The following TCF7L2 variants were observed in gnomAD, a reference collection of about 807,000 sequenced individuals.
The protein encoded by TCF7L2 is transcription factor 7 like 2.
A neutral mutation model predicts 77.9 loss-of-function variants in TCF7L2; 23 were observed. That is an observed-to-expected ratio of 0.30 (90% CI 0.21 to 0.42). TCF7L2 has a LOEUF of 0.42. Ranked by LOEUF, TCF7L2 falls within the 10% of genes least tolerant of loss-of-function variation. TCF7L2 has a pLI of 1.00. For synonymous variants in TCF7L2, 413 were observed against 340.2 expected (o/e 1.21, Z -2.36); for missense variants, 654 against 793.1 (o/e 0.82, Z 2.11).
At chr10:113,077,702 CTT>C (rs34093384) in intron 5 of TCF7L2, among the ~76,000 whole-genome samples, 15 of 134,066 alleles carry the variant, frequency 1.1e-4, no homozygotes, top group East Asian at 2.1e-4. Context: ...TTCTTTTCTT[CTT>C]TTTTTTTTTT....
At chr10:112,985,083 G>A (rs2041239121) in intron 4 of TCF7L2, among the ~76,000 whole-genome samples, 1 of 152,116 alleles carries the variant, frequency 6.6e-6, no homozygotes, top group African/African-American at 2.4e-5. Context: ...CAGCGCCACA[G>A]TGCTGACACA....
At chr10:113,133,879 C>T (rs144056123) in intron 5 of TCF7L2, among the ~76,000 whole-genome samples, 80 of 152,268 alleles carry the variant, frequency 5.3e-4, no homozygotes, top group African/African-American at 1.6e-3. Context: ...GGATTGGAGA[C>T]GCTCTAACTC....
intron 5 of TCF7L2, among the ~76,000 whole-genome samples, chr10:113,061,548 G>T (rs1315481011): frequency 6.6e-6 from 1 of 152,198 alleles, no homozygotes; most frequent in Non-Finnish European, 1.5e-5. Context: ...ATTGTCGCAG[G>T]TATTAGTGAG....
chr10:113,051,380 G>T (rs756662612), intron 5 of TCF7L2, among the ~76,000 whole-genome samples: 17 of 152,168 alleles, frequency 1.1e-4, no homozygotes, highest in Non-Finnish European at 2.1e-4. Flanking sequence ...ATTTGGTAAG[G>T]AATGAAGTTG....
At chr10:113,035,554 C>G (rs958318382) in intron 4 of TCF7L2, among the ~76,000 whole-genome samples, 1 of 152,234 alleles carries the variant, frequency 6.6e-6, no homozygotes, top group Non-Finnish European at 1.5e-5. Context: ...TGGGCTCTAG[C>G]AATCCTCCTG....
intron 4 of TCF7L2, among the ~76,000 whole-genome samples, chr10:112,983,636 TG>T (rs1300915758): frequency 6.6e-6 from 1 of 152,174 alleles, no homozygotes; most frequent in Non-Finnish European, 1.5e-5. Flanking sequence ...TGTCTGAGTT[TG>T]TAATAAGCGT....
In TCF7L2 at chr10:113,006,427, T is replaced by C. The variant is rs898705609; in HGVS notation, c.451-33598T>C. Among the ~76,000 whole-genome samples, 5 of 152,100 alleles carry C rather than the reference T, an allele frequency of 3.3e-5. No individual in the cohort carries two copies. The East Asian group carries it at 9.6e-4, about 29-fold the overall frequency. On this transcript the variant is annotated intron_variant, in intron 4 of 13. Transcript: ENST00000627217. Reference sequence around the variant, plus strand: ...TGGAGGATCAGGCAGCAGGGGCCAGTGATGGATTTTTTTTTCTTCCTTTCC... The same window carrying C: ...TGGAGGATCAGGCAGCAGGGGCCAGCGATGGATTTTTTTTTCTTCCTTTCC...
intron 5 of TCF7L2, among the ~76,000 whole-genome samples, chr10:113,073,068 C>T (rs1249234350): frequency 2.8e-5 from 4 of 144,414 alleles, no homozygotes; most frequent in Admixed American, 1.4e-4. Flanking sequence ...GTGCTGGTGG[C>T]CAGCCATGTG....
intron 5 of TCF7L2, chr10:113,127,063 C>G (rs182137848): frequency 6.2e-6 from 2 of 324,796 alleles, no homozygotes; most frequent in African/African-American, 4.5e-5. Flanking sequence ...GGTAAGCTGC[C>G]GGGGTGGATG....
At chr10:113,027,102 G>A (rs1181023638) in intron 4 of TCF7L2, among the ~76,000 whole-genome samples, 1 of 152,226 alleles carries the variant, frequency 6.6e-6, no homozygotes, top group Non-Finnish European at 1.5e-5. Flanking sequence ...CCTTGCTTTG[G>A]AATGAGTTAG....
At chr10:113,142,812 A>G (rs1460482117) in intron 6 of TCF7L2, among the ~76,000 whole-genome samples, 1 of 152,216 alleles carries the variant, frequency 6.6e-6, no homozygotes, top group Admixed American at 6.5e-5. Flanking sequence ...AAAACATATG[A>G]TTAACGTCTG....
At chr10:113,122,100 G>T (rs1591991255) in intron 5 of TCF7L2, among the ~76,000 whole-genome samples, 1 of 152,146 alleles carries the variant, frequency 6.6e-6, no homozygotes, top group Non-Finnish European at 1.5e-5. Context: ...AAACCTCTTG[G>T]CAAAGGATAT....
intron 4 of TCF7L2, among the ~76,000 whole-genome samples, chr10:113,005,267 A>C (rs1348677842): frequency 2.0e-5 from 3 of 152,190 alleles, no homozygotes; most frequent in African/African-American, 7.2e-5. Context: ...CGATCCCGTC[A>C]GCACTGTGCA....
Position 113,141,408 on chromosome 10 carries a change from C to T in TCF7L2, c.685+92C>T, listed in dbSNP as rs139772039. Reference sequence around the variant, plus strand: ...CTCCACAGGAACCCCAGGGGTGGAGCAGTAGGGGACTTTGGGGGAACGGTG... The same window carrying T: ...CTCCACAGGAACCCCAGGGGTGGAGTAGTAGGGGACTTTGGGGGAACGGTG... On this transcript the variant is annotated intron_variant, in intron 6 of 13. Coordinates refer to ENST00000627217, the MANE Select transcript of TCF7L2 (RefSeq NM_001146274.2). 4,325 of 1,546,744 alleles carry T rather than the reference C, an allele frequency of 2.8e-3. 10 individuals carry two copies. The highest frequency in any genetic ancestry group is 4.8e-3 in the Admixed American group (242 of 50,298).
chr10:113,001,959 C>T (rs1034588646), intron 4 of TCF7L2, among the ~76,000 whole-genome samples: 10 of 152,166 alleles, frequency 6.6e-5, no homozygotes, highest in Admixed American at 4.6e-4. Context: ...TTAGAGGCTA[C>T]GAGACGTGAG....
At chr10:113,054,672 T>C (rs1035219952) in intron 5 of TCF7L2, among the ~76,000 whole-genome samples, 1 of 152,230 alleles carries the variant, frequency 6.6e-6, no homozygotes, top group Non-Finnish European at 1.5e-5. Context: ...TTCACCCTCC[T>C]AGCCCATGAT....
intron 5 of TCF7L2, among the ~76,000 whole-genome samples, chr10:113,118,450 T>C (rs2064177110): frequency 1.3e-5 from 2 of 151,932 alleles, no homozygotes; most frequent in Admixed American, 1.3e-4. Flanking sequence ...ACATTTGGGT[T>C]TTGAATGACA....
intron 5 of TCF7L2, among the ~76,000 whole-genome samples, chr10:113,056,746 G>C (rs111913698): frequency 0.025 from 3,874 of 152,238 alleles, 188 homozygotes; most frequent in African/African-American, 0.087. Flanking sequence ...CTGTAGCATG[G>C]GTTTTTTACA....
intron 4 of TCF7L2, chr10:112,987,614 A>G (rs1056426508): frequency 6.6e-6 from 1 of 152,138 alleles, no homozygotes; most frequent in African/African-American, 2.4e-5. Context: ...GCATGGGTGC[A>G]TTGACGAATT....
Sources: gnomAD v4.1 joint callset for allele counts (sites outside exome capture counted in the v4.1 genomes callset) on GRCh38, gnomAD v4.1.1 for gene constraint, MANE v1.5 for transcripts, NCBI Gene and HGNC (gene_info 2026-07-23, HGNC 2026-07-21) for gene names.